Variants in SPSB4 observed in about 807,000 individuals in gnomAD.
SPSB4 encodes SPRY domain-containing SOCS box protein 4.
SPSB4 carries 21 observed loss-of-function variants against 20.9 expected under a neutral mutation model. The observed-to-expected ratio is 1.01, with a 90% CI of 0.71 to 1.45. The LOEUF (loss-of-function observed/expected upper bound fraction) is 1.45. Among genes scored for constraint, SPSB4 ranks in the 40% most tolerant of loss-of-function variants. The pLI, the probability that SPSB4 is intolerant of heterozygous loss-of-function variation, is 0.00. For missense variants in SPSB4, 399 were observed against 399.2 expected (o/e 1.00, Z 0.00); for synonymous variants, 207 against 183.8 (o/e 1.13, Z -1.02).
chr3:141,138,431 T>C (rs1289873423), intron 2 of SPSB4, among the ~76,000 whole-genome samples: 1 of 152,214 alleles, frequency 6.6e-6, no homozygotes, highest in Non-Finnish European at 1.5e-5. Flanking sequence ...GATGTTAGGG[T>C]GTCAATTTTA....
chr3:141,054,537 T>C (rs890080611), intron 1 of SPSB4, among the ~76,000 whole-genome samples: 1 of 152,214 alleles, frequency 6.6e-6, no homozygotes, highest in African/African-American at 2.4e-5. Context: ...CAGTTGTGGG[T>C]GGTGTGCCCT....
chr3:141,132,104 A>C (rs1576541681), intron 2 of SPSB4: 1 of 306,004 alleles, frequency 3.3e-6, no homozygotes, highest in Non-Finnish European at 6.4e-6. Flanking sequence ...GCACTACTCA[A>C]TGTGTAGTCT....
chr3:141,091,336 AT>A (rs1938445693), intron 2 of SPSB4, among the ~76,000 whole-genome samples: 2 of 152,238 alleles, frequency 1.3e-5, no homozygotes, highest in African/African-American at 4.8e-5. Context: ...CCTCGTGAGC[AT>A]TGTCATGGAG....
intron 2 of SPSB4, among the ~76,000 whole-genome samples, chr3:141,131,207 TC>T (rs1475622948): frequency 3.3e-5 from 5 of 152,118 alleles, no homozygotes; most frequent in Non-Finnish European, 7.4e-5. Flanking sequence ...CACATTTTTC[TC>T]CTCTATTAAA....
At chr3:141,093,651 C>A (rs1938500443) in intron 2 of SPSB4, among the ~76,000 whole-genome samples, 1 of 152,174 alleles carries the variant, frequency 6.6e-6, no homozygotes, top group South Asian at 2.1e-4. Context: ...TGCAGAAGGG[C>A]CATGCCGGCT....
rs537227915 is a variant in SPSB4 at position 141,083,260 on chromosome 3, C to T, written c.694+16462C>T. Among the ~76,000 whole-genome samples the T allele has an allele frequency of 4.6e-5, 7 of 152,264 alleles. No individual in the cohort carries two copies. In the South Asian group the frequency reaches 1.0e-3, roughly 23 times the overall value. Reference sequence around the variant, plus strand: ...GAGGAGATAGAGGGCTAGAGTGCCACGTGCATGGCTTCCCCGGCTGGTTTG... The same window carrying T: ...GAGGAGATAGAGGGCTAGAGTGCCATGTGCATGGCTTCCCCGGCTGGTTTG... On this transcript the variant is annotated intron_variant, in intron 2 of 2. Transcript: ENST00000310546.
intron 2 of SPSB4, among the ~76,000 whole-genome samples, chr3:141,076,055 T>A (rs1336950777): frequency 6.6e-6 from 1 of 150,676 alleles, no homozygotes; most frequent in Non-Finnish European, 1.5e-5. Flanking sequence ...TGAAACTGTG[T>A]CTCAAAAAAG....
At chr3:141,081,890 A>G (rs1938239937) in intron 2 of SPSB4, among the ~76,000 whole-genome samples, 1 of 152,222 alleles carries the variant, frequency 6.6e-6, no homozygotes, top group Admixed American at 6.5e-5. Context: ...TATTTATCTC[A>G]GCTTGTAATC....
rs528971069 is a variant in SPSB4 at position 141,133,466 on chromosome 3, G to A, written c.695-13676G>A. On this transcript the variant is annotated intron_variant, in intron 2 of 2. Coordinates refer to ENST00000310546, the MANE Select transcript of SPSB4 (RefSeq NM_080862.3). ...TTTGACCCATCTTGAGGTGATTTTTGTATAAGATGAGAGATGAGGATCCAG... is the reference window on the plus strand; with the variant it reads ...TTTGACCCATCTTGAGGTGATTTTTATATAAGATGAGAGATGAGGATCCAG... 1.4e-4 allele frequency among the ~76,000 whole-genome samples: 21 copies of A among 152,270 alleles called. No individual in the cohort carries two copies. The East Asian group carries it at 3.7e-3, about 27-fold the overall frequency.
At chr3:141,095,366 G>A (rs1463726271) in intron 2 of SPSB4, among the ~76,000 whole-genome samples, 9 of 152,136 alleles carry the variant, frequency 5.9e-5, no homozygotes, top group African/African-American at 2.2e-4. Flanking sequence ...GAGCACCATG[G>A]CTACGGAATG....
intron 2 of SPSB4, among the ~76,000 whole-genome samples, chr3:141,141,450 T>C (rs1939327981): frequency 6.6e-6 from 1 of 152,226 alleles, no homozygotes. Context: ...ACTGGAGCTG[T>C]TCCTATTCGG....
intron 2 of SPSB4, among the ~76,000 whole-genome samples, chr3:141,111,369 T>TG (rs1047302792): frequency 6.9e-6 from 1 of 144,498 alleles, no homozygotes; most frequent in African/African-American, 2.6e-5. Flanking sequence ...TTTTTTTTTT[T>TG]TTTTTTTTTT....
chr3:141,139,918 C>A lies in SPSB4; in HGVS notation c.695-7224C>A, dbSNP rs1939295651. 2.0e-5 allele frequency among the ~76,000 whole-genome samples: 3 copies of A among 152,266 alleles called. No homozygotes were observed. In the East Asian group the frequency reaches 5.8e-4, roughly 29 times the overall value. ...TGGGGAAGTTCTCCTGGATAATATCCTGCAGAGTGTTTTCCAACTTGGTTC... is the reference window on the plus strand; with the variant it reads ...TGGGGAAGTTCTCCTGGATAATATCATGCAGAGTGTTTTCCAACTTGGTTC... On this transcript the variant is annotated intron_variant, in intron 2 of 2. Coordinates refer to ENST00000310546, the MANE Select transcript of SPSB4 (RefSeq NM_080862.3).
At chr3:141,072,166 T>C (rs567903360) in intron 2 of SPSB4, among the ~76,000 whole-genome samples, 1 of 152,350 alleles carries the variant, frequency 6.6e-6, no homozygotes, top group Non-Finnish European at 1.5e-5. Context: ...ATGGGGAGTT[T>C]AGCACTGAGT....
chr3:141,063,521 G>A (rs1049641416), intron 1 of SPSB4, among the ~76,000 whole-genome samples: 1 of 152,120 alleles, frequency 6.6e-6, no homozygotes, highest in South Asian at 2.1e-4. Context: ...AGTTCTGGAG[G>A]TTACCTTTAT....
At chr3:141,093,920 C>T (rs1172802472) in intron 2 of SPSB4, among the ~76,000 whole-genome samples, 2 of 152,212 alleles carry the variant, frequency 1.3e-5, no homozygotes, top group Admixed American at 6.5e-5. Flanking sequence ...TTGTTCTGGT[C>T]ACTGCTGTGT....
chr3:141,147,084 G>A, intron 2 of SPSB4, 58 bp from the exon 3 acceptor site: 1 of 1,603,464 alleles, frequency 6.2e-7, no homozygotes. Flanking sequence ...TGGGGGCTGG[G>A]ATGAGAAGGT....
intron 2 of SPSB4, among the ~76,000 whole-genome samples, chr3:141,136,615 G>C: frequency 6.6e-6 from 1 of 152,174 alleles, no homozygotes; most frequent in East Asian, 1.9e-4. Flanking sequence ...CCCATGGCTT[G>C]TTTTTGTCAG....
chr3:141,130,006 T>C (rs1382455399), intron 2 of SPSB4, among the ~76,000 whole-genome samples: 1 of 152,208 alleles, frequency 6.6e-6, no homozygotes, highest in East Asian at 1.9e-4. Flanking sequence ...CAACCCTTTT[T>C]GCTGGGGAAA....
Sources: gnomAD v4.1 joint callset for allele counts (sites outside exome capture counted in the v4.1 genomes callset) on GRCh38, gnomAD v4.1.1 for gene constraint, MANE v1.5 for transcripts, NCBI Gene and HGNC (gene_info 2026-07-23, HGNC 2026-07-21) for gene names.